TTLL13: variants seen among roughly 807,000 people sequenced by gnomAD.
TTLL13 encodes tubulin tyrosine ligase like 13.
chr15:90,258,479 T>C, the TTLL13 span: 2 of 624,738 alleles, frequency 3.2e-6, no homozygotes, highest in Non-Finnish European at 5.6e-6. Flanking sequence ...ACCGTAGGAA[T>C]GCAGGTTTGG....
the TTLL13 span, among the ~76,000 whole-genome samples, chr15:90,251,927 T>C: frequency 4.0e-5 from 6 of 151,596 alleles, no homozygotes; most frequent in African/African-American, 1.5e-4. Flanking sequence ...CAGGCTGGAG[T>C]GCAGTATTGC....
At chr15:90,255,708 GA>G in the TTLL13 span, 3 of 1,613,458 alleles carry the variant, frequency 1.9e-6, no homozygotes, top group African/African-American at 2.7e-5. Context: ...CAGGTGCTAG[GA>G]AATGCCACTT....
the TTLL13 span, among the ~76,000 whole-genome samples, chr15:90,253,993 G>A: frequency 6.6e-6 from 1 of 152,176 alleles, no homozygotes. Flanking sequence ...AAGAGAGAAA[G>A]CAAGTGCTAG....
At chr15:90,261,988 T>G in the TTLL13 span, 1 of 1,522,854 alleles carries the variant, frequency 6.6e-7, no homozygotes, top group Non-Finnish European at 8.8e-7. Flanking sequence ...CTTGACTCAC[T>G]GAGCTTGCTT....
chr15:90,251,691 C>A, the TTLL13 span: 2 of 1,414,266 alleles, frequency 1.4e-6, no homozygotes, highest in Non-Finnish European at 2.0e-6. Context: ...GGCTTCCAGC[C>A]CCTGGGGCCT....
the TTLL13 span, among the ~76,000 whole-genome samples, chr15:90,255,453 T>G: frequency 6.6e-6 from 1 of 152,200 alleles, no homozygotes; most frequent in African/African-American, 2.4e-5. Context: ...GGCCTGGTGG[T>G]CTGAGGGGTG....
the TTLL13 span, chr15:90,256,283 C>G: frequency 5.6e-6 from 9 of 1,614,164 alleles, no homozygotes; most frequent in Non-Finnish European, 7.6e-6. Flanking sequence ...GATCTGCCAG[C>G]AATACATCTC....
chr15:90,253,146 C>T, the TTLL13 span: 4 of 762,846 alleles, frequency 5.2e-6, no homozygotes, highest in East Asian at 2.7e-5. Context: ...CCCTCTTCAA[C>T]CTGCCCTCGG....
chr15:90,255,950 T>C, the TTLL13 span: 10 of 1,609,798 alleles, frequency 6.2e-6, no homozygotes, highest in Non-Finnish European at 8.5e-6. Flanking sequence ...CTCAGAGCTC[T>C]GGTCTTGTGA....
chr15:90,263,460 C>A, the TTLL13 span: 1 of 484,820 alleles, frequency 2.1e-6, no homozygotes, highest in Non-Finnish European at 3.6e-6. Flanking sequence ...GCCCACCACC[C>A]TCAGTGGCTT....
chr15:90,253,214 C>A, the TTLL13 span: 1 of 1,567,132 alleles, frequency 6.4e-7, no homozygotes, highest in Non-Finnish European at 8.8e-7. Context: ...TTGCTGGTGT[C>A]CATGCTGGCA....
the TTLL13 span, chr15:90,253,394 A>G: frequency 3.2e-6 from 5 of 1,574,326 alleles, no homozygotes; most frequent in African/African-American, 5.4e-5. Context: ...CTGAGAGCCG[A>G]CAGGGGCTAG....
At chr15:90,258,816 C>G in the TTLL13 span, 11 of 1,614,064 alleles carry the variant, frequency 6.8e-6, no homozygotes, top group Middle Eastern at 1.6e-4. Context: ...CTCTGTGATG[C>G]TATGACCCTT....
the TTLL13 span, chr15:90,262,885 C>T: frequency 7.1e-7 from 1 of 1,418,404 alleles, no homozygotes; most frequent in Admixed American, 2.4e-5. Flanking sequence ...GTAGAGTGGG[C>T]AGGAGGCCTG....
the TTLL13 span, among the ~76,000 whole-genome samples, chr15:90,259,964 G>A: frequency 3.4e-4 from 51 of 152,148 alleles, no homozygotes; most frequent in Non-Finnish European, 5.9e-4. Context: ...CCAATATGCA[G>A]GGGCAGTGTG....
At chr15:90,262,036 A>G in the TTLL13 span, 1 of 1,535,426 alleles carries the variant, frequency 6.5e-7, no homozygotes, top group Admixed American at 2.0e-5. Context: ...CCCATGTGGC[A>G]ATGCTGGACC....
At chr15:90,264,119 G>A in the TTLL13 span, 1 of 1,024,330 alleles carries the variant, frequency 9.8e-7, no homozygotes, top group South Asian at 1.5e-5. Flanking sequence ...AGCAAGCATA[G>A]AGCTTGGATG....
chr15:90,264,937 A>T, the TTLL13 span: 1 of 1,536,084 alleles, frequency 6.5e-7, no homozygotes, highest in Non-Finnish European at 8.7e-7. Flanking sequence ...AGCGTTCCAG[A>T]GCACTCCTCA....
At chr15:90,255,758 A>G in the TTLL13 span, 1 of 1,614,080 alleles carries the variant, frequency 6.2e-7, no homozygotes, top group South Asian at 1.1e-5. Flanking sequence ...GTTTCAGAAA[A>G]TCAACCACTT....
Sources: allele counts gnomAD v4.1 joint callset (sites outside exome capture counted in the v4.1 genomes callset), GRCh38; gene constraint gnomAD v4.1.1; transcripts MANE v1.5; gene names NCBI Gene and HGNC (gene_info 2026-07-23, HGNC 2026-07-21).